Variants in SLC9A9 observed in about 807,000 individuals in gnomAD.
SLC9A9 encodes sodium/hydrogen exchanger 9.
SLC9A9 carries 62 observed loss-of-function variants against 77.8 expected under a neutral mutation model. The observed-to-expected ratio is 0.80, with a 90% CI of 0.65 to 0.98. The LOEUF (loss-of-function observed/expected upper bound fraction) is 0.98. Among genes scored for constraint, SLC9A9 ranks in the 50% least tolerant of loss-of-function variants. SLC9A9 has a pLI of 0.00. For synonymous variants in SLC9A9, 320 were observed against 283.5 expected (o/e 1.13, Z -1.29); for missense variants, 775 against 774.9 (o/e 1.00, Z 0.00).
At chr3:143,811,695 A>G (rs1177087997) in intron 2 of SLC9A9, 1 of 454,926 alleles carries the variant, frequency 2.2e-6, no homozygotes, top group Admixed American at 2.4e-5. Context: ...AAAAAACAAA[A>G]ACAAAAAAAC....
intron 14 of SLC9A9, among the ~76,000 whole-genome samples, chr3:143,290,870 T>C (rs937665773): frequency 2.6e-5 from 4 of 152,230 alleles, no homozygotes; most frequent in Admixed American, 1.3e-4. Context: ...GGAACCTACT[T>C]TGAGAATCAG....
chr3:143,783,686 CTG>C (rs1473976044), intron 4 of SLC9A9, among the ~76,000 whole-genome samples: 1 of 152,000 alleles, frequency 6.6e-6, no homozygotes, highest in Non-Finnish European at 1.5e-5. Flanking sequence ...CATCAAAAAA[CTG>C]TAATAAAATT....
At position 143,448,967 on chromosome 3, in the gene SLC9A9, A is replaced by AAAATAATTATAATT. The variant is rs2034903072; in HGVS notation, c.1469+18069_1469+18070insAATTATAATTATTT. 1.3e-4 allele frequency among the ~76,000 whole-genome samples: 2 copies of AAAATAATTATAATT among 15,936 alleles called. 1 individual carries two copies. The highest frequency in any genetic ancestry group is 1.7e-4 in the Non-Finnish European group (2 of 11,486). The allele number at this position is 15,936 out of a possible 152,430, so 10.5% of individuals were successfully genotyped here. On this transcript the variant is annotated intron_variant, in intron 12 of 15. Transcript: ENST00000316549. ...ATATAATATATAATATAATTATATA[A>AAAATAATTATAATT]ATATAATTATATAAAAATAATTATA...
At chr3:143,446,765 A>G (rs1416109672) in intron 12 of SLC9A9, among the ~76,000 whole-genome samples, 1 of 152,196 alleles carries the variant, frequency 6.6e-6, no homozygotes, top group Non-Finnish European at 1.5e-5. Context: ...AAAGGTTCTC[A>G]GGAGAGATGA....
intron 14 of SLC9A9, chr3:143,343,308 A>G (rs1363215052): frequency 6.6e-6 from 1 of 152,110 alleles, no homozygotes; most frequent in Non-Finnish European, 1.5e-5. Flanking sequence ...TGTAGTGGCA[A>G]GAACAGGAGG....
chr3:143,848,391 G>C lies in SLC9A9; in HGVS notation c.-69C>G. On this transcript the variant is annotated 5_prime_UTR_variant, in exon 1 of 16. Coordinates refer to ENST00000316549, the MANE Select transcript of SLC9A9 (RefSeq NM_173653.4). Reference sequence around the variant, plus strand: ...GGCTATTTTATCAAGATTTGCCTAAGACAGTCTGACTGCCTGAGAATTTCA... The same window carrying C: ...GGCTATTTTATCAAGATTTGCCTAACACAGTCTGACTGCCTGAGAATTTCA... 6.3e-7 allele frequency: 1 copy of C among 1,599,566 alleles called. No homozygotes were observed. The highest frequency in any genetic ancestry group is 1.1e-5 in the South Asian group (1 of 90,586).
chr3:143,845,061 A>G (rs1175203952), intron 1 of SLC9A9, among the ~76,000 whole-genome samples: 2 of 152,086 alleles, frequency 1.3e-5, no homozygotes, highest in Admixed American at 1.3e-4. Flanking sequence ...ATGAGGATGC[A>G]TCTAGATCCC....
intron 8 of SLC9A9, among the ~76,000 whole-genome samples, chr3:143,559,060 T>C (rs1221871311): frequency 6.6e-6 from 1 of 152,168 alleles, no homozygotes; most frequent in Admixed American, 6.5e-5. Context: ...TATTTCCCCT[T>C]CTTGCACTCT....
At chr3:143,268,099 A>ATAAGT (rs1213909240) in intron 15 of SLC9A9, among the ~76,000 whole-genome samples, 7 of 152,296 alleles carry the variant, frequency 4.6e-5, no homozygotes, top group Admixed American at 1.3e-4. Context: ...CACACCTGAG[A>ATAAGT]TAAGTTTTTG....
At chr3:143,639,184 C>G (rs1409013304) in intron 6 of SLC9A9, among the ~76,000 whole-genome samples, 1 of 152,216 alleles carries the variant, frequency 6.6e-6, no homozygotes, top group Admixed American at 6.5e-5. Context: ...CCTCCACCCC[C>G]TGAAGTGAGA....
chr3:143,426,313 A>G (rs2034403851), intron 12 of SLC9A9, among the ~76,000 whole-genome samples: 1 of 152,236 alleles, frequency 6.6e-6, no homozygotes, highest in African/African-American at 2.4e-5. Flanking sequence ...AAGGATACGA[A>G]CTACTAAAAA....
intron 12 of SLC9A9, among the ~76,000 whole-genome samples, chr3:143,413,830 A>C (rs2034142762): frequency 6.6e-6 from 1 of 152,072 alleles, no homozygotes; most frequent in South Asian, 2.1e-4. Flanking sequence ...ATGCATGTAC[A>C]TGCATGTGTG....
At chr3:143,485,832 T>C (rs965770028) in intron 11 of SLC9A9, among the ~76,000 whole-genome samples, 9 of 151,732 alleles carry the variant, frequency 5.9e-5, no homozygotes, top group African/African-American at 2.2e-4. Context: ...ACAACTGTCT[T>C]AAAGATGCTT....
At chr3:143,401,395 A>G (rs4839632) in intron 12 of SLC9A9, among the ~76,000 whole-genome samples, 126,964 of 152,106 alleles carry the variant, frequency 0.83, 53,148 homozygotes, top group African/African-American at 0.87. Flanking sequence ...ACCAGCTCTT[A>G]TAATAGTTCC....
intron 12 of SLC9A9, among the ~76,000 whole-genome samples, chr3:143,405,679 G>A (rs2033962558): frequency 6.6e-6 from 1 of 152,184 alleles, no homozygotes; most frequent in Non-Finnish European, 1.5e-5. Flanking sequence ...AGGGTGGGAT[G>A]GGAAACACTA....
At chr3:143,748,141 G>T (rs528554298) in intron 4 of SLC9A9, among the ~76,000 whole-genome samples, 342 of 152,300 alleles carry the variant, frequency 2.2e-3, no homozygotes, top group African/African-American at 7.5e-3. Context: ...TGATCATTAT[G>T]AACACATATT....
intron 14 of SLC9A9, 140 bp downstream of exon 14, chr3:143,363,344 C>G (rs2032805501): frequency 1.3e-6 from 1 of 784,588 alleles, no homozygotes; most frequent in Non-Finnish European, 2.1e-6. Flanking sequence ...GAAATCATTC[C>G]TTTTTATAAG....
intron 6 of SLC9A9, among the ~76,000 whole-genome samples, chr3:143,615,027 C>T (rs956958715): frequency 3.9e-5 from 6 of 152,156 alleles, no homozygotes; most frequent in Non-Finnish European, 7.4e-5. Flanking sequence ...GACAGCATGG[C>T]TTCTCCAGGG....
At chr3:143,367,296 C>T (rs2032933790) in intron 13 of SLC9A9, among the ~76,000 whole-genome samples, 1 of 152,126 alleles carries the variant, frequency 6.6e-6, no homozygotes, top group Non-Finnish European at 1.5e-5. Flanking sequence ...CATTTCAATA[C>T]TTTGTGAGGA....
Sources: gnomAD v4.1 joint callset for allele counts (sites outside exome capture counted in the v4.1 genomes callset) on GRCh38, gnomAD v4.1.1 for gene constraint, MANE v1.5 for transcripts, NCBI Gene and HGNC (gene_info 2026-07-23, HGNC 2026-07-21) for gene names.